Variants in THSD7A observed in about 807,000 individuals in gnomAD.
The protein encoded by THSD7A is thrombospondin type-1 domain-containing protein 7A.
Under a neutral mutation model 231.3 loss-of-function variants are expected in THSD7A, and 96 were observed. That is an observed-to-expected ratio of 0.41 (90% CI 0.35 to 0.49). The LOEUF is 0.49. Ranked by LOEUF, THSD7A falls within the 20% of genes least tolerant of loss-of-function variation. The probability of loss-of-function intolerance (pLI) is 0.05; values close to 1 mark genes in which losing one functional copy is unlikely to be tolerated. For missense variants in THSD7A, 2,290 were observed against 2,070.2 expected, an observed-to-expected ratio of 1.11 and a Z score of -2.06; for synonymous variants, 940 against 743.3, an observed-to-expected ratio of 1.26 and a Z score of -4.30.
chr7:11,632,114 G>A lies in THSD7A; in HGVS notation c.1022+4016C>T, dbSNP rs1388335752. On this transcript the variant is annotated intron_variant, in intron 2 of 27. Coordinates refer to ENST00000423059, the MANE Select transcript of THSD7A (RefSeq NM_015204.3). The surrounding 1 kb of genome is among the most constrained non-coding windows in gnomAD (Gnocchi z 4.1). Reference sequence around the variant, plus strand: ...TATCGTTATTACCATAGAGTATAATGCACTTAATTATCTTGTGAAGTTAGC... The same window carrying A: ...TATCGTTATTACCATAGAGTATAATACACTTAATTATCTTGTGAAGTTAGC... 6.6e-6 allele frequency among the ~76,000 whole-genome samples: 1 copy of A among 151,972 alleles called. No homozygotes were observed. The highest frequency in any genetic ancestry group is 1.5e-5 in the Non-Finnish European group (1 of 67,998).
chr7:11,666,239 T>C (rs1448336133), intron 1 of THSD7A, among the ~76,000 whole-genome samples: 1 of 152,096 alleles, frequency 6.6e-6, no homozygotes, highest in Non-Finnish European at 1.5e-5. Context: ...TGCATATGTA[T>C]AGTGAGATAT....
Position 11,831,742 on chromosome 7 carries a change from C to T in THSD7A, c.190+15G>A. 1 of 1,434,960 alleles carries T rather than the reference C, an allele frequency of 7.0e-7. No individual in the cohort carries two copies. Among genetic ancestry groups the T allele is most frequent in the South Asian group, 1.6e-5 (1 of 62,292 alleles). 88.9% of individuals were successfully genotyped at this position (1,434,960 alleles called of 1,614,324 possible). A position where few individuals can be genotyped will look rare whatever the true frequency, so the allele number is the denominator to read the frequency against. ...AGATGTGAAGATGGGGAAAGGGTAA[C>T]TCCGTCCCACTTACCAGTCTTCCAC... On this transcript the variant is annotated intron_variant, in intron 1 of 27. Coordinates refer to ENST00000423059, the MANE Select transcript of THSD7A (RefSeq NM_015204.3). The surrounding 1 kb of genome is among the most constrained non-coding windows in gnomAD (Gnocchi z 5.0).
intron 2 of THSD7A, among the ~76,000 whole-genome samples, chr7:11,635,419 A>G (rs1215441668): frequency 6.6e-6 from 1 of 152,224 alleles, no homozygotes; most frequent in Non-Finnish European, 1.5e-5. Context: ...TCCTCAATGA[A>G]AATTATTTTC....
chr7:11,425,292 T>A (rs1583715849), intron 15 of THSD7A, among the ~76,000 whole-genome samples: 1 of 152,174 alleles, frequency 6.6e-6, no homozygotes, highest in Admixed American at 6.5e-5. Flanking sequence ...ATAAATATAA[T>A]TTGGCCTATT....
At chr7:11,510,999 G>C (rs1787784614) in intron 6 of THSD7A, among the ~76,000 whole-genome samples, 1 of 152,114 alleles carries the variant, frequency 6.6e-6, no homozygotes. Context: ...AATTGTCCCT[G>C]TTTGCAGATG....
intron 1 of THSD7A, among the ~76,000 whole-genome samples, chr7:11,769,288 C>T (rs1319153933): frequency 5.3e-5 from 8 of 149,680 alleles, no homozygotes; most frequent in South Asian, 2.1e-4. Flanking sequence ...TGAGCCACTG[C>T]GCCTGGCCCA....
chr7:11,501,491 C>A (rs1787335021), intron 6 of THSD7A, among the ~76,000 whole-genome samples: 1 of 152,100 alleles, frequency 6.6e-6, no homozygotes, highest in Admixed American at 6.6e-5. Flanking sequence ...GAAACCCAGA[C>A]AATTACATAG....
chr7:11,643,359 C>A (rs1010023185), intron 1 of THSD7A, among the ~76,000 whole-genome samples: 3 of 151,894 alleles, frequency 2.0e-5, no homozygotes, highest in African/African-American at 4.8e-5. Flanking sequence ...CCAACCAAAT[C>A]TCTGTAAAAA....
rs150834482 is a variant in THSD7A, at chr7:11,614,991, C to T, written c.1022+21139G>A. ...TGGATTGGAACCAATGTTTTATAAA[C>T]ATCGAATATCCAAAGGAGGGAACTG... On this transcript the variant is annotated intron_variant, in intron 2 of 27. Transcript: ENST00000423059. 4.8e-3 allele frequency among the ~76,000 whole-genome samples: 732 copies of T among 152,312 alleles called. 3 individuals carry two copies. The highest frequency in any genetic ancestry group is 6.8e-3 in the Middle Eastern group (2 of 294).
intron 1 of THSD7A, among the ~76,000 whole-genome samples, chr7:11,684,153 C>T (rs903013073): frequency 4.7e-4 from 71 of 151,664 alleles, no homozygotes; most frequent in African/African-American, 1.7e-3. Flanking sequence ...TCTCAAAAGA[C>T]ACAGAAAATA....
intron 1 of THSD7A, among the ~76,000 whole-genome samples, chr7:11,812,342 G>A (rs920132873): frequency 7.2e-5 from 11 of 152,088 alleles, no homozygotes; most frequent in Admixed American, 5.2e-4. Flanking sequence ...TAAATATACT[G>A]AAACTGAATA....
intron 1 of THSD7A, among the ~76,000 whole-genome samples, chr7:11,666,995 A>C (rs955240533): frequency 6.6e-6 from 1 of 152,156 alleles, no homozygotes. Context: ...TTTTAAAAAA[A>C]CAGATATTAA....
At chr7:11,407,163 A>C (rs569361098) in intron 20 of THSD7A, 108 bp from the exon 21 acceptor site, 3 of 1,487,616 alleles carry the variant, frequency 2.0e-6, no homozygotes, top group Non-Finnish European at 2.8e-6. Flanking sequence ...CAATCCAGGA[A>C]CAAGTAAGGC....
chr7:11,426,137 A>T (rs1328413685), intron 15 of THSD7A, among the ~76,000 whole-genome samples: 1 of 152,216 alleles, frequency 6.6e-6, no homozygotes, highest in African/African-American at 2.4e-5. Context: ...TTATATTCAC[A>T]TTTAGTTGCT....
At chr7:11,755,138 G>A (rs557122621) in intron 1 of THSD7A, among the ~76,000 whole-genome samples, 112 of 152,070 alleles carry the variant, frequency 7.4e-4, no homozygotes, top group South Asian at 2.7e-3. Flanking sequence ...TCTAGGGGGC[G>A]GAGGATTGAG....
chr7:11,689,372 G>T (rs916773323), intron 1 of THSD7A, among the ~76,000 whole-genome samples: 1 of 151,808 alleles, frequency 6.6e-6, no homozygotes, highest in Non-Finnish European at 1.5e-5. Flanking sequence ...TACTGGAACA[G>T]AATTTTGACT....
chr7:11,382,844 A>C (rs2115303435), intron 23 of THSD7A, among the ~76,000 whole-genome samples: 1 of 151,928 alleles, frequency 6.6e-6, no homozygotes, highest in East Asian at 1.9e-4. Flanking sequence ...GTGGGAACCT[A>C]GGTTTTTAAT....
chr7:11,701,788 T>C (rs1368210675), intron 1 of THSD7A, among the ~76,000 whole-genome samples: 1 of 151,262 alleles, frequency 6.6e-6, no homozygotes, highest in Non-Finnish European at 1.5e-5. Context: ...TTAAATCTAC[T>C]TCTCAAATGA....
At chr7:11,744,423 T>TA (rs1474104205) in intron 1 of THSD7A, among the ~76,000 whole-genome samples, 5 of 151,316 alleles carry the variant, frequency 3.3e-5, no homozygotes, top group African/African-American at 1.2e-4. Flanking sequence ...CAGGTTTTTT[T>TA]ATTATTTTTT....
Sources: allele counts gnomAD v4.1 joint callset (sites outside exome capture counted in the v4.1 genomes callset), GRCh38; gene constraint gnomAD v4.1.1; non-coding constraint Gnocchi (gnomAD v3.1); transcripts MANE v1.5; gene names NCBI Gene and HGNC (gene_info 2026-07-23, HGNC 2026-07-21).